RACK1: variants seen among roughly 807,000 people sequenced by gnomAD.
RACK1 encodes the protein small ribosomal subunit protein RACK1.
In RACK1, 3 loss-of-function variants were observed where a neutral mutation model predicts 42.2. The ratio of observed to expected loss-of-function variants is 0.07; its 90% CI spans 0.03 to 0.18. RACK1 has a LOEUF of 0.18. RACK1 is among the 10% of genes least tolerant of loss of function. RACK1 has a pLI of 1.00. For missense variants in RACK1, 146 were observed against 403.2 expected, an observed-to-expected ratio of 0.36 and a Z score of 5.46; for synonymous variants, 181 against 154.8, an observed-to-expected ratio of 1.17 and a Z score of -1.25.
chr5:181,241,258 G>A (rs1206288713), intron 3 of RACK1: 5 of 442,642 alleles, frequency 1.1e-5, no homozygotes, highest in East Asian at 3.9e-5. Flanking sequence ...GTGAAACCCT[G>A]TCTCTACTAA....
At chr5:181,237,403 G>C (rs1759180645) in intron 7 of RACK1, 5 of 690,122 alleles carry the variant, frequency 7.2e-6, no homozygotes, top group Non-Finnish European at 1.3e-5. Flanking sequence ...AAGGCTGACA[G>C]CCACTGCGTT....
Position 181,241,642 on chromosome 5 carries a change from G to T in RACK1, c.282-3C>A. The T allele has an allele frequency of 6.2e-7, 1 of 1,613,886 alleles. No individual in the cohort carries two copies. Among genetic ancestry groups the T allele is most frequent in the Non-Finnish European group, 8.5e-7 (1 of 1,179,872 alleles). On this transcript the variant is annotated splice_region_variant and splice_polypyrimidine_tract_variant and intron_variant, in intron 2 of 7. Transcript: ENST00000512805. ...CAAATCGCCTCGTGGTGGTGCCCCT[G>T]AGAGGGAGGAGTTTGTCATTCTCAG...
chr5:181,243,481 C>A, intron 1 of RACK1: 2 of 1,458,734 alleles, frequency 1.4e-6, no homozygotes, highest in Non-Finnish European at 1.8e-6. Context: ...AGCTGATGTA[C>A]ACGTAGGTTC....
intron 3 of RACK1, among the ~76,000 whole-genome samples, chr5:181,240,056 AT>A (rs1188710402): frequency 1.3e-5 from 2 of 151,912 alleles, no homozygotes; most frequent in African/African-American, 4.8e-5. Context: ...TCCAAAAAAA[AT>A]ATAATAATAA....
intron 1 of RACK1, 111 bp from the exon 2 acceptor site, chr5:181,242,456 C>A (rs1262929485): frequency 5.5e-6 from 4 of 723,226 alleles, no homozygotes; most frequent in Non-Finnish European, 9.6e-6. Flanking sequence ...CAACTAAGGA[C>A]GCTTAAGGAG....
rs918264910 is a variant in RACK1, at chr5:181,243,826, G to A, written c.-26C>T. The A allele has an allele frequency of 1.9e-6, 3 of 1,582,932 alleles. No individual in the cohort carries two copies. The African/African-American group carries it at 4.0e-5, about 21-fold the overall frequency. On this transcript the variant is annotated 5_prime_UTR_variant, in exon 1 of 8. Transcript: ENST00000512805. Reference sequence around the variant, plus strand: ...GGCGGCGGCGAGAGCGTGTGTCGCTGCAGCGACGAGGATGGCACTGGATGG... The same window carrying A: ...GGCGGCGGCGAGAGCGTGTGTCGCTACAGCGACGAGGATGGCACTGGATGG...
intron 4 of RACK1, 94 bp downstream of exon 4, chr5:181,239,393 G>A (rs1461912363): frequency 2.3e-6 from 2 of 879,688 alleles, no homozygotes; most frequent in East Asian, 2.4e-5. Context: ...AGTCAACTGA[G>A]GGCATCTGCA....
chr5:181,240,864 C>G (rs1322564383), intron 3 of RACK1: 1 of 152,210 alleles, frequency 6.6e-6, no homozygotes, highest in Non-Finnish European at 1.5e-5. Context: ...GACGGTGGCT[C>G]ACGCTTATAA....
chr5:181,236,901 T>C lies in RACK1; in HGVS notation c.*76A>G. Reference sequence around the variant, plus strand: ...GCAATGTAGATAGAATGGAGCTTTTTTGCATATAAGAAAAAAAAACCTAAA... The same window carrying C: ...GCAATGTAGATAGAATGGAGCTTTTCTGCATATAAGAAAAAAAAACCTAAA... On this transcript the variant is annotated 3_prime_UTR_variant, in exon 8 of 8. Coordinates refer to ENST00000512805, the MANE Select transcript of RACK1 (RefSeq NM_006098.5). 3 of 1,514,612 alleles carry C rather than the reference T, an allele frequency of 2.0e-6. No individual in the cohort carries two copies. Among genetic ancestry groups the C allele is most frequent in the Middle Eastern group, 2.3e-4 (1 of 4,308 alleles). 93.8% of individuals were successfully genotyped at this position (1,514,612 alleles called of 1,614,324 possible).
chr5:181,236,938 C>A lies in RACK1; in HGVS notation c.*39G>T. 6.4e-7 allele frequency: 1 copy of A among 1,553,820 alleles called. No homozygotes were observed. The highest frequency in any genetic ancestry group is 1.2e-5 in the South Asian group (1 of 83,588). ...AAAAAAAACCTAAAAGTCAGAAAAG[C>A]CAGTTTTTTTTTTATTTGTAAAGCT... On this transcript the variant is annotated 3_prime_UTR_variant, in exon 8 of 8. Coordinates refer to ENST00000512805, the MANE Select transcript of RACK1 (RefSeq NM_006098.5).
intron 1 of RACK1, chr5:181,242,754 T>C (rs1759398117): frequency 2.8e-6 from 1 of 351,634 alleles, no homozygotes; most frequent in South Asian, 2.1e-5. Context: ...AGAGATGCGG[T>C]TTCACCATTG....
Position 181,237,785 on chromosome 5 carries a change from T to C in RACK1, c.778-66A>G, listed in dbSNP as rs1240578894. ...AAGAGAGTCTCCTCTTAAAAGCCCC[T>C]CAAGATTCTCAAGTTAAAAAGGGAT... On this transcript the variant is annotated intron_variant, in intron 6 of 7. Coordinates refer to ENST00000512805, the MANE Select transcript of RACK1 (RefSeq NM_006098.5). 6 of 909,760 alleles carry C rather than the reference T, an allele frequency of 6.6e-6. No homozygotes were observed. The Admixed American group carries it at 1.1e-4, about 16-fold the overall frequency. The allele number at this position is 909,760 out of a possible 1,614,324, so 56.4% of individuals were successfully genotyped here.
In RACK1 at chr5:181,239,273, G is replaced by A. The variant is rs1478487795; in HGVS notation, c.526-96C>T. 7 of 853,362 alleles carry A rather than the reference G, an allele frequency of 8.2e-6. No individual in the cohort carries two copies. In the African/African-American group the frequency reaches 1.0e-4, roughly 12 times the overall value. 52.9% of individuals were successfully genotyped at this position (853,362 alleles called of 1,614,324 possible). A position where few individuals can be genotyped will look rare whatever the true frequency, so the allele number is the denominator to read the frequency against. ...GGGCTTGGCACTTCTGGATACGGTA[G>A]CCATTTCTCATTCAGTAACATGTCC... is the stretch of plus-strand genomic sequence containing the variant. On this transcript the variant is annotated intron_variant, in intron 4 of 7. Coordinates refer to ENST00000512805, the MANE Select transcript of RACK1 (RefSeq NM_006098.5).
chr5:181,242,584 G>A (rs1179657661), intron 1 of RACK1: 1 of 558,930 alleles, frequency 1.8e-6, no homozygotes, highest in Non-Finnish European at 3.4e-6. Context: ...TTGAGATGGA[G>A]TCTCGCTCTG....
chr5:181,238,088 C>A lies in RACK1; in HGVS notation c.777+11G>T. 1 of 1,614,012 alleles carries A rather than the reference C, an allele frequency of 6.2e-7. No individual in the cohort carries two copies. The highest frequency in any genetic ancestry group is 2.2e-5 in the East Asian group (1 of 44,884). On this transcript the variant is annotated intron_variant, in intron 6 of 7. Coordinates refer to ENST00000512805, the MANE Select transcript of RACK1 (RefSeq NM_006098.5). ...CAGCCAGGTACCCAGTCAATTGTAA[C>A]CCACACTCACCCAGATCTTGATGCT... is the stretch of plus-strand genomic sequence containing the variant.
chr5:181,239,463 C>G (rs1392524560), intron 4 of RACK1, 24 bp downstream of exon 4: 6 of 1,556,316 alleles, frequency 3.9e-6, no homozygotes, highest in Non-Finnish European at 5.3e-6. Context: ...ACTGGTAAAG[C>G]CCCTGCCTTG....
At position 181,241,475 on chromosome 5, in the gene RACK1, G is replaced by A. The variant is rs1759345265; in HGVS notation, c.429+17C>T. On this transcript the variant is annotated intron_variant, in intron 3 of 7. Coordinates refer to ENST00000512805, the MANE Select transcript of RACK1 (RefSeq NM_006098.5). Reference sequence around the variant, plus strand: ...TTTAAGAGGGTGGAAGAGATCCTTGGAGATGGCTCACTTTACCTGGACAGT... The same window carrying A: ...TTTAAGAGGGTGGAAGAGATCCTTGAAGATGGCTCACTTTACCTGGACAGT... 1.9e-6 allele frequency: 3 copies of A among 1,598,710 alleles called. No individual in the cohort carries two copies. Among genetic ancestry groups the A allele is most frequent in the Non-Finnish European group, 2.6e-6 (3 of 1,169,886 alleles).
chr5:181,237,639 G>A lies in RACK1; in HGVS notation c.858C>T (p.Cys286=), dbSNP rs762201797. 4 of 1,607,598 alleles carry A rather than the reference G, an allele frequency of 2.5e-6. No homozygotes were observed. In the South Asian group the frequency reaches 3.3e-5, roughly 13 times the overall value. The change falls in exon 7 of 8, where the codon TGC becomes TGT. Residue 286 remains cysteine (C), a synonymous_variant. Transcript: ENST00000512805. The part of the protein sequence containing the change: ...STSSKAEPPQ[C]TSLAWSADGQ... ...CATCAGCAGACCAGGCCAGGGAGGT[G>A]CACTGGGGTGGTTCTGCCTTGCTGC... is the stretch of plus-strand genomic sequence containing the variant.
rs918441073 is a variant in RACK1, at chr5:181,239,023, G to A, written c.636+44C>T. 8 of 1,259,112 alleles carry A rather than the reference G, an allele frequency of 6.4e-6. No homozygotes were observed. The African/African-American group carries it at 1.2e-4, about 19-fold the overall frequency. 78.0% of individuals were successfully genotyped at this position (1,259,112 alleles called of 1,614,324 possible). A position where few individuals can be genotyped will look rare whatever the true frequency, so the allele number is the denominator to read the frequency against. ...GACGCTGGCTAAGTGCTCCTTCCAT[G>A]ACGCTGTCTTCCACTGAGTAGGAGA... On this transcript the variant is annotated intron_variant, in intron 5 of 7. Coordinates refer to ENST00000512805, the MANE Select transcript of RACK1 (RefSeq NM_006098.5).
Sources: allele counts gnomAD v4.1 joint callset (sites outside exome capture counted in the v4.1 genomes callset), GRCh38; gene constraint gnomAD v4.1.1; transcripts MANE v1.5; gene names NCBI Gene and HGNC (gene_info 2026-07-23, HGNC 2026-07-21).